The following GRIN2B variants were observed in gnomAD, a reference collection of about 807,000 sequenced individuals.
The protein encoded by GRIN2B is glutamate receptor ionotropic, NMDA 2B.
Under a neutral mutation model 114.5 loss-of-function variants are expected in GRIN2B, and 5 were observed. The ratio of observed to expected loss-of-function variants is 0.04; its 90% CI spans 0.02 to 0.09. The LOEUF (loss-of-function observed/expected upper bound fraction) is 0.09, where lower values mean the gene tolerates loss of function less well. Among genes scored for constraint, GRIN2B ranks in the 10% least tolerant of loss-of-function variants. The pLI, the probability that GRIN2B is intolerant of heterozygous loss-of-function variation, is 1.00. For missense variants in GRIN2B, 1,108 were observed against 1,943.5 expected (o/e 0.57, Z 8.08); for synonymous variants, 787 against 745.1 (o/e 1.06, Z -0.92).
At chr12:13,757,045 C>T (rs1257875543) in intron 3 of GRIN2B, among the ~76,000 whole-genome samples, 1 of 152,162 alleles carries the variant, frequency 6.6e-6, no homozygotes, top group Non-Finnish European at 1.5e-5. Flanking sequence ...CCTTCTAGTT[C>T]TACTGTCCTC....
In GRIN2B at chr12:13,564,319, C is replaced by T; in HGVS notation, c.2919G>A (p.Leu973=). 6.2e-7 allele frequency: 1 copy of T among 1,614,226 alleles called. No homozygotes were observed. Among genetic ancestry groups the T allele is most frequent in the South Asian group, 1.1e-5 (1 of 91,092 alleles). The change falls in exon 14 of 14, where the codon CTG becomes CTA. Residue 973 remains leucine (L), a synonymous_variant. Transcript: ENST00000609686. This position sits in a 1 kb window ranked among gnomAD's most constrained non-coding sequence, Gnocchi z 4.8. Reference sequence around the variant, plus strand: ...GGTACACGTTGCTGTCCTTCAGCTGCAGGTTCCCGAACGTTCTCTCTACCT... The same window carrying T: ...GGTACACGTTGCTGTCCTTCAGCTGTAGGTTCCCGAACGTTCTCTCTACCT... ...ISEVERTFGN[L]QLKDSNVYQD... is the part of the protein sequence containing the mutation.
intron 4 of GRIN2B, among the ~76,000 whole-genome samples, chr12:13,683,025 G>A (rs530918303): frequency 1.3e-5 from 2 of 152,234 alleles, no homozygotes; most frequent in South Asian, 4.1e-4. Flanking sequence ...GAATTTTAAG[G>A]AGTTCTGTCA....
chr12:13,922,492 C>G (rs1446703103), intron 2 of GRIN2B, among the ~76,000 whole-genome samples: 1 of 152,150 alleles, frequency 6.6e-6, no homozygotes, highest in African/African-American at 2.4e-5. Context: ...ACTGATACAG[C>G]AGCGCATGAA....
At chr12:13,902,685 C>T (rs1232232784) in intron 2 of GRIN2B, among the ~76,000 whole-genome samples, 1 of 152,100 alleles carries the variant, frequency 6.6e-6, no homozygotes, top group African/African-American at 2.4e-5. Flanking sequence ...GTGGCCTGCG[C>T]CTGTAATCTC....
chr12:13,681,911 A>G (rs1275687693), intron 4 of GRIN2B, among the ~76,000 whole-genome samples: 2 of 152,280 alleles, frequency 1.3e-5, no homozygotes, highest in East Asian at 1.9e-4. Context: ...CTTTTGAAAG[A>G]CTAGAGTTTC....
chr12:13,783,439 T>TTTGTTTTGTTTTGTTTTGTTTTG (rs1864158615), intron 3 of GRIN2B, among the ~76,000 whole-genome samples: 1 of 152,002 alleles, frequency 6.6e-6, no homozygotes, highest in Non-Finnish European at 1.5e-5. Context: ...TAGGTTTTGT[T>TTTGTTTTGTTTTGTTTTGTTTTG]TTGTTTTGTT....
intron 4 of GRIN2B, among the ~76,000 whole-genome samples, chr12:13,690,388 CA>C (rs1950207118): frequency 6.6e-6 from 1 of 151,694 alleles, no homozygotes; most frequent in African/African-American, 2.4e-5. Context: ...CACACACACA[CA>C]CACACATGCA....
At position 13,896,297 on chromosome 12, in the gene GRIN2B, A is replaced by G. The variant is rs1229545476; in HGVS notation, c.-18-30071T>C. Among the ~76,000 whole-genome samples the G allele has an allele frequency of 2.6e-5, 4 of 152,284 alleles. No homozygotes were observed. In the East Asian group the frequency reaches 5.8e-4, roughly 22 times the overall value. On this transcript the variant is annotated intron_variant, in intron 2 of 13. Transcript: ENST00000609686. ...GCTGACAAAGCGAAGGTGCAGGATG[A>G]GCTTGGCTATGACAAGTCCACGGAG...
At chr12:13,978,674 T>C (rs886897441) in intron 2 of GRIN2B, among the ~76,000 whole-genome samples, 2 of 152,222 alleles carry the variant, frequency 1.3e-5, no homozygotes, top group Non-Finnish European at 2.9e-5. Flanking sequence ...TACATGTTTT[T>C]GGAGATCTTT....
intron 2 of GRIN2B, among the ~76,000 whole-genome samples, chr12:13,931,534 T>G (rs1030394708): frequency 6.6e-6 from 1 of 152,210 alleles, no homozygotes; most frequent in Admixed American, 6.5e-5. Flanking sequence ...GCTCACTCCC[T>G]AAATGACTGC....
rs80278516 is a variant in GRIN2B at position 13,574,002 on chromosome 12, A to G, written c.2011-2038T>C. On this transcript the variant is annotated intron_variant, in intron 10 of 13. Transcript: ENST00000609686. ...TCGTTTGATTATTTTGAAAGGGGTT[A>G]TAATTTTTAAGTGGATAAAGACACT... Among the ~76,000 whole-genome samples, 97 of 152,336 alleles carry G rather than the reference A, an allele frequency of 6.4e-4. 2 individuals are homozygous for G. In the East Asian group the frequency reaches 0.017, roughly 27 times the overall value.
At chr12:13,842,986 T>A (rs968871018) in intron 3 of GRIN2B, among the ~76,000 whole-genome samples, 2 of 145,060 alleles carry the variant, frequency 1.4e-5, no homozygotes, top group African/African-American at 2.6e-5. Context: ...TTTTTTGCGG[T>A]GTTTTGTTTT....
chr12:13,769,104 C>T (rs1051657259), intron 3 of GRIN2B, among the ~76,000 whole-genome samples: 8 of 152,100 alleles, frequency 5.3e-5, no homozygotes, highest in Non-Finnish European at 1.2e-4. Flanking sequence ...CCTTGTTTTA[C>T]AGTATCATTC....
At position 13,561,265 on chromosome 12, in the gene GRIN2B, C is replaced by T. The variant is rs1014362960; in HGVS notation, c.*1518G>A. 1 of 152,090 alleles carries T rather than the reference C, an allele frequency of 6.6e-6. No homozygotes were observed. Among genetic ancestry groups the T allele is most frequent in the African/African-American group, 2.4e-5 (1 of 41,404 alleles). The allele number at this position is 152,090 out of a possible 1,614,324, so 9.4% of individuals were successfully genotyped here. ...GTGTTGCAGGAAGGTAGAAGGGCTT[C>T]TACCAAGAGTGTTCACTCTGGGCTC... On this transcript the variant is annotated 3_prime_UTR_variant, in exon 14 of 14. Coordinates refer to ENST00000609686, the MANE Select transcript of GRIN2B (RefSeq NM_000834.5).
intron 3 of GRIN2B, among the ~76,000 whole-genome samples, chr12:13,757,462 C>T (rs1029415255): frequency 6.6e-6 from 1 of 152,112 alleles, no homozygotes. Flanking sequence ...TTTGCAGGCA[C>T]CCAGCATGCA....
intron 3 of GRIN2B, among the ~76,000 whole-genome samples, chr12:13,789,103 C>T (rs1162256014): frequency 6.6e-6 from 1 of 152,066 alleles, no homozygotes; most frequent in Non-Finnish European, 1.5e-5. Context: ...ACTTAAAAAC[C>T]TCATTAAACA....
In GRIN2B at chr12:13,562,478, C is replaced by T. The variant is rs200267679; in HGVS notation, c.*305G>A. On this transcript the variant is annotated 3_prime_UTR_variant, in exon 14 of 14. Transcript: ENST00000609686. ...CTCTTCCACACCAGGAGGAAGCCCG[C>T]ATGCAGCCCTTCCTTTCTCCGCTCT... is the stretch of plus-strand genomic sequence containing the variant. The T allele has an allele frequency of 3.9e-4, 147 of 380,410 alleles. 1 individual carries two copies. Among genetic ancestry groups the T allele is most frequent in the African/African-American group, 2.7e-3 (133 of 49,502 alleles). 23.6% of individuals were successfully genotyped at this position (380,410 alleles called of 1,614,324 possible).
rs144207369 is a variant in GRIN2B at position 13,631,626 on chromosome 12, A to G, written c.1126-14969T>C. 2.2e-3 allele frequency among the ~76,000 whole-genome samples: 339 copies of G among 152,360 alleles called. 1 individual carries two copies. The highest frequency in any genetic ancestry group is 3.6e-3 in the Non-Finnish European group (243 of 68,030). On this transcript the variant is annotated intron_variant, in intron 5 of 13. Transcript: ENST00000609686. Reference sequence around the variant, plus strand: ...TTGCAGGGAGAAAATGGGGAAACTGACATGTTAAGATGCCAGGTAACTTGC... The same window carrying G: ...TTGCAGGGAGAAAATGGGGAAACTGGCATGTTAAGATGCCAGGTAACTTGC...
At chr12:13,746,860 G>T (rs1254644270) in intron 4 of GRIN2B, among the ~76,000 whole-genome samples, 1 of 152,150 alleles carries the variant, frequency 6.6e-6, no homozygotes, top group Non-Finnish European at 1.5e-5. Context: ...CTCTCACCAT[G>T]TGACATGCCG....
Sources: allele counts gnomAD v4.1 joint callset (sites outside exome capture counted in the v4.1 genomes callset), GRCh38; gene constraint gnomAD v4.1.1; non-coding constraint Gnocchi (gnomAD v3.1); transcripts MANE v1.5; gene names NCBI Gene and HGNC (gene_info 2026-07-23, HGNC 2026-07-21).